Variants in ANAPC7 observed in about 807,000 individuals in gnomAD.
ANAPC7 encodes anaphase-promoting complex subunit 7.
In ANAPC7, 25 loss-of-function variants were observed where a neutral mutation model predicts 63.3. The observed-to-expected ratio is 0.39, with a 90% CI of 0.29 to 0.55. The LOEUF (loss-of-function observed/expected upper bound fraction) is 0.55. Among genes scored for constraint, ANAPC7 ranks in the 20% least tolerant of loss-of-function variants. The probability of loss-of-function intolerance (pLI) is 0.57; values close to 1 mark genes in which losing one functional copy is unlikely to be tolerated. For missense variants in ANAPC7, 516 were observed against 691.7 expected, an observed-to-expected ratio of 0.75 and a Z score of 2.85; for synonymous variants, 241 against 251.7, an observed-to-expected ratio of 0.96 and a Z score of 0.40.
intron 3 of ANAPC7, among the ~76,000 whole-genome samples, chr12:110,391,247 C>T (rs1259434313): frequency 1.3e-5 from 2 of 152,108 alleles, no homozygotes; most frequent in Non-Finnish European, 2.9e-5. Flanking sequence ...TTAAAAACAT[C>T]ATAAAGCCAC....
At chr12:110,378,155 C>T (rs921993916) in intron 8 of ANAPC7, 16 of 155,168 alleles carry the variant, frequency 1.0e-4, no homozygotes, top group Admixed American at 8.7e-4. Context: ...AGCGCAATGG[C>T]GCCATCTCGG....
chr12:110,375,469 C>G, intron 10 of ANAPC7: 1 of 985,028 alleles, frequency 1.0e-6, no homozygotes, highest in Non-Finnish European at 1.2e-6. Context: ...GAAACCACTT[C>G]TGTATTAAAC....
At chr12:110,384,336 G>A (rs1216305014) in intron 6 of ANAPC7, among the ~76,000 whole-genome samples, 1 of 152,126 alleles carries the variant, frequency 6.6e-6, no homozygotes, top group African/African-American at 2.4e-5. Context: ...GGTCAAGGCT[G>A]CAGTGAGCTA....
intron 4 of ANAPC7, 86 bp from the exon 5 acceptor site, chr12:110,387,978 G>A: frequency 7.0e-7 from 1 of 1,431,484 alleles, no homozygotes; most frequent in Non-Finnish European, 9.5e-7. Context: ...ATCTTCCCTT[G>A]GCTAAAAGGC....
chr12:110,401,054 G>GCAAAA (rs899553124), intron 1 of ANAPC7, among the ~76,000 whole-genome samples: 2 of 152,064 alleles, frequency 1.3e-5, no homozygotes, highest in Non-Finnish European at 1.5e-5. Flanking sequence ...CGTCTGAAAA[G>GCAAAA]CAAAACAAAA....
rs199642159 is a variant in ANAPC7 at position 110,400,310 on chromosome 12, T to A, written c.101+3217A>T. On this transcript the variant is annotated intron_variant, in intron 1 of 10. Coordinates refer to ENST00000455511, the MANE Select transcript of ANAPC7 (RefSeq NM_016238.3). ...TCTGTAATGACACACGAAAAAATAG[T>A]TATTGCCTCTGGAGAAAGGAAATGT... Among the ~76,000 whole-genome samples the A allele has an allele frequency of 3.3e-5, 5 of 152,318 alleles. No individual in the cohort carries two copies. In the East Asian group the frequency reaches 9.6e-4, roughly 29 times the overall value.
intron 10 of ANAPC7, among the ~76,000 whole-genome samples, chr12:110,374,600 C>A (rs1352227048): frequency 6.6e-6 from 1 of 152,068 alleles, no homozygotes; most frequent in African/African-American, 2.4e-5. Context: ...ACCTATTACC[C>A]CTAGCATTCT....
At chr12:110,378,470 C>T (rs937620488) in intron 8 of ANAPC7, 13 of 152,222 alleles carry the variant, frequency 8.5e-5, no homozygotes, top group African/African-American at 2.7e-4. Context: ...GGGAGAAAGA[C>T]TCTTTTATTT....
intron 1 of ANAPC7, among the ~76,000 whole-genome samples, chr12:110,402,878 G>C (rs1378776142): frequency 1.3e-5 from 2 of 152,154 alleles, no homozygotes; most frequent in African/African-American, 2.4e-5. Context: ...TGGGACCGCA[G>C]GCACGCACCA....
In ANAPC7 at chr12:110,381,821, C is replaced by T; in HGVS notation, c.1063G>A (p.Val355Ile). The change falls in exon 8 of 11, where the codon GTC (valine) becomes ATC (isoleucine). Residue 355 changes from valine (V) to isoleucine (I), a missense_variant. Transcript: ENST00000455511. ...CGAAAGTGGATTATTGCTTCTTGGA[C>T]TCTGCCCATGTTCCTAAGTGCTGCT... ...KGAALRNMGR[V>I]QEAIIHFREA... is the part of the protein sequence containing the mutation. The T allele has an allele frequency of 6.2e-7, 1 of 1,614,040 alleles. No homozygotes were observed. The highest frequency in any genetic ancestry group is 1.1e-5 in the South Asian group (1 of 91,074).
intron 10 of ANAPC7, 121 bp downstream of exon 10, chr12:110,375,945 T>A: frequency 7.4e-7 from 1 of 1,359,728 alleles, no homozygotes; most frequent in African/African-American, 1.5e-5. Flanking sequence ...CCATTACTAT[T>A]ATTATTCTGC....
intron 1 of ANAPC7, among the ~76,000 whole-genome samples, chr12:110,397,509 C>T (rs1240293914): frequency 6.0e-5 from 9 of 149,190 alleles, no homozygotes; most frequent in South Asian, 2.1e-4. Flanking sequence ...GCCGAGATCG[C>T]GCCACTGCAC....
chr12:110,378,052 G>A (rs886312690), intron 8 of ANAPC7: 1 of 201,918 alleles, frequency 5.0e-6, no homozygotes, highest in African/African-American at 2.3e-5. Flanking sequence ...TCGGTCACCT[G>A]TAGGGCTAGG....
At chr12:110,392,616 T>C (rs1358660179) in intron 3 of ANAPC7, among the ~76,000 whole-genome samples, 1 of 152,204 alleles carries the variant, frequency 6.6e-6, no homozygotes, top group Non-Finnish European at 1.5e-5. Flanking sequence ...TAAATACTGA[T>C]ATATTCTCAC....
At chr12:110,392,527 A>G (rs1883187334) in intron 3 of ANAPC7, among the ~76,000 whole-genome samples, 1 of 152,188 alleles carries the variant, frequency 6.6e-6, no homozygotes, top group Non-Finnish European at 1.5e-5. Flanking sequence ...AAAATTCCTT[A>G]TTGTTAAGCA....
intron 8 of ANAPC7, among the ~76,000 whole-genome samples, chr12:110,379,806 T>C (rs1287293515): frequency 6.6e-6 from 1 of 152,242 alleles, no homozygotes; most frequent in Non-Finnish European, 1.5e-5. Flanking sequence ...AACTGCATCT[T>C]GTAAGATCTA....
At chr12:110,378,406 T>C (rs956498545) in intron 8 of ANAPC7, 1 of 152,020 alleles carries the variant, frequency 6.6e-6, no homozygotes, top group African/African-American at 2.4e-5. Context: ...GCTCCTAGAG[T>C]CTTAAAGTGA....
intron 3 of ANAPC7, 33 bp from the exon 4 acceptor site, chr12:110,388,656 A>C: frequency 6.8e-7 from 1 of 1,465,572 alleles, no homozygotes; most frequent in Non-Finnish European, 9.5e-7. Flanking sequence ...TAGCAAAATA[A>C]GCGTATATTG....
At chr12:110,398,293 G>A (rs935465971) in intron 1 of ANAPC7, among the ~76,000 whole-genome samples, 13 of 152,024 alleles carry the variant, frequency 8.6e-5, no homozygotes, top group Admixed American at 2.6e-4. Flanking sequence ...GTGCATGCCC[G>A]TAATCCCAGC....
Sources: gnomAD v4.1 joint callset for allele counts (sites outside exome capture counted in the v4.1 genomes callset) on GRCh38, gnomAD v4.1.1 for gene constraint, MANE v1.5 for transcripts, NCBI Gene and HGNC (gene_info 2026-07-23, HGNC 2026-07-21) for gene names.